Variants in PARD3 observed in about 807,000 individuals in gnomAD.
PARD3 encodes the protein partitioning defective 3 homolog.
PARD3 carries 75 observed loss-of-function variants against 155.4 expected under a neutral mutation model. The observed-to-expected ratio is 0.48, with a 90% CI of 0.40 to 0.58. The LOEUF is 0.58. Among genes scored for constraint, PARD3 ranks in the 20% least tolerant of loss-of-function variants. The pLI, the probability that PARD3 is intolerant of heterozygous loss-of-function variation, is 0.00. For synonymous variants in PARD3, 576 were observed against 610.5 expected, an observed-to-expected ratio of 0.94 and a Z score of 0.83; for missense variants, 1,642 against 1,721.7, an observed-to-expected ratio of 0.95 and a Z score of 0.82.
At chr10:34,305,716 C>T (rs1312938759) in intron 20 of PARD3, among the ~76,000 whole-genome samples, 4 of 152,178 alleles carry the variant, frequency 2.6e-5, no homozygotes, top group African/African-American at 4.8e-5. Flanking sequence ...CAGTGGTGCA[C>T]GCCTGCAATC....
At chr10:34,544,813 C>T (rs968444484) in intron 2 of PARD3, among the ~76,000 whole-genome samples, 2 of 152,134 alleles carry the variant, frequency 1.3e-5, no homozygotes, top group African/African-American at 2.4e-5. Flanking sequence ...TTAATTCTTA[C>T]AGTAATGTTA....
At chr10:34,205,443 AGT>A (rs959649869) in intron 22 of PARD3, among the ~76,000 whole-genome samples, 2 of 152,218 alleles carry the variant, frequency 1.3e-5, no homozygotes, top group African/African-American at 2.4e-5. Flanking sequence ...ATCTATCTGC[AGT>A]GTTTTTAAAA....
intron 15 of PARD3, chr10:34,343,814 C>T: frequency 1.0e-6 from 1 of 974,770 alleles, no homozygotes; most frequent in Non-Finnish European, 1.2e-6. Context: ...AACTAGTGAC[C>T]TACAAACTAA....
At position 34,174,370 on chromosome 10, in the gene PARD3, C is replaced by T. The variant is rs148173315; in HGVS notation, c.3420-42787G>A. ...TAGATGGGAAGATAAGATGTACACACATAAGCAGGTAAGTAGTTTACAGAG... is the reference window on the plus strand; with the variant it reads ...TAGATGGGAAGATAAGATGTACACATATAAGCAGGTAAGTAGTTTACAGAG... On this transcript the variant is annotated intron_variant, in intron 22 of 24. Coordinates refer to ENST00000374788, the MANE Select transcript of PARD3 (RefSeq NM_001184785.2). Among the ~76,000 whole-genome samples the T allele has an allele frequency of 2.6e-4, 40 of 152,292 alleles. 1 individual carries two copies. In the East Asian group the frequency reaches 7.7e-3, roughly 29 times the overall value.
At position 34,694,026 on chromosome 10, in the gene PARD3, T is replaced by C. The variant is rs140497786; in HGVS notation, c.222+2292A>G. Among the ~76,000 whole-genome samples the C allele has an allele frequency of 1.5e-3, 223 of 152,188 alleles. 1 individual carries two copies. Among genetic ancestry groups the C allele is most frequent in the African/African-American group, 5.3e-3 (219 of 41,542 alleles). ...AACAACAGTGATAAGCTCTCAGCAA[T>C]AGCAGGATGTCAGGTGATTAATTCC... On this transcript the variant is annotated intron_variant, in intron 2 of 24. Coordinates refer to ENST00000374788, the MANE Select transcript of PARD3 (RefSeq NM_001184785.2).
chr10:34,346,809 A>G (rs1837481072), intron 15 of PARD3, among the ~76,000 whole-genome samples: 1 of 152,266 alleles, frequency 6.6e-6, no homozygotes, highest in African/African-American at 2.4e-5. Flanking sequence ...CACATGTAAC[A>G]AGATAAGAAA....
chr10:34,342,810 C>T (rs1204221924), intron 15 of PARD3, among the ~76,000 whole-genome samples: 1 of 152,190 alleles, frequency 6.6e-6, no homozygotes, highest in African/African-American at 2.4e-5. Context: ...CAACTGCATT[C>T]CTCATTTAAC....
intron 22 of PARD3, among the ~76,000 whole-genome samples, chr10:34,246,397 A>C (rs888530203): frequency 6.6e-6 from 1 of 152,196 alleles, no homozygotes; most frequent in African/African-American, 2.4e-5. Context: ...GAGAAAAGGA[A>C]AAAAAGAAGG....
intron 19 of PARD3, among the ~76,000 whole-genome samples, chr10:34,326,125 T>TAAAAAA (rs979390862): frequency 1.8e-5 from 2 of 108,884 alleles, no homozygotes; most frequent in Non-Finnish European, 3.9e-5. Flanking sequence ...ACACTCTTTC[T>TAAAAAA]AAAAAAAAAA....
intron 21 of PARD3, among the ~76,000 whole-genome samples, chr10:34,279,512 C>T (rs12357306): frequency 0.038 from 5,773 of 152,138 alleles, 303 homozygotes; most frequent in African/African-American, 0.12. Context: ...AAAAATGTTT[C>T]TCTTAAAAGG....
intron 1 of PARD3, among the ~76,000 whole-genome samples, chr10:34,801,277 G>A (rs1564633011): frequency 1.3e-5 from 2 of 152,162 alleles, no homozygotes; most frequent in African/African-American, 4.8e-5. Context: ...TACAGGAAGG[G>A]ATCAGAGTCA....
chr10:34,799,862 G>A (rs192244819), intron 1 of PARD3, among the ~76,000 whole-genome samples: 7 of 151,776 alleles, frequency 4.6e-5, no homozygotes, highest in African/African-American at 1.2e-4. Context: ...GTGTGGTGGC[G>A]CATGCCTGTA....
intron 20 of PARD3, among the ~76,000 whole-genome samples, chr10:34,294,188 A>G (rs778954725): frequency 6.6e-6 from 1 of 152,252 alleles, no homozygotes. Context: ...ATGAGGTAGT[A>G]CAAACACACG....
chr10:34,538,002 G>T (rs991404222), intron 2 of PARD3, among the ~76,000 whole-genome samples: 1 of 152,074 alleles, frequency 6.6e-6, no homozygotes, highest in African/African-American at 2.4e-5. Context: ...AAATGACAAG[G>T]GAAAAAAATC....
At chr10:34,269,571 G>T (rs1188263405) in intron 22 of PARD3, 86 bp downstream of exon 22, 18 of 1,448,942 alleles carry the variant, frequency 1.2e-5, no homozygotes, top group African/African-American at 4.3e-5. Flanking sequence ...ATTCTGGTTT[G>T]AGGATTGATG....
At chr10:34,731,421 C>T (rs78344428) in intron 1 of PARD3, among the ~76,000 whole-genome samples, 2,599 of 152,286 alleles carry the variant, frequency 0.017, 38 homozygotes, top group Middle Eastern at 0.048. Context: ...GCTGCTCTAG[C>T]GCTGACTAGA....
intron 20 of PARD3, among the ~76,000 whole-genome samples, chr10:34,300,406 A>G (rs530728388): frequency 2.8e-4 from 43 of 152,154 alleles, no homozygotes; most frequent in Non-Finnish European, 5.1e-4. Flanking sequence ...TGTAATCCCA[A>G]CACTCTGGGA....
At chr10:34,615,645 T>C (rs535161861) in intron 2 of PARD3, among the ~76,000 whole-genome samples, 1 of 152,084 alleles carries the variant, frequency 6.6e-6, no homozygotes, top group South Asian at 2.1e-4. Flanking sequence ...ACAGAAGCAA[T>C]GAAAAAAGTG....
rs138056044 is a variant in PARD3 at position 34,155,913 on chromosome 10, A to T, written c.3420-24330T>A. On this transcript the variant is annotated intron_variant, in intron 22 of 24. Coordinates refer to ENST00000374788, the MANE Select transcript of PARD3 (RefSeq NM_001184785.2). Reference sequence around the variant, plus strand: ...CAATGCACAACCTGTGGCTTGGTTGACTTACAAAAGCAGTACAACAAACAC... The same window carrying T: ...CAATGCACAACCTGTGGCTTGGTTGTCTTACAAAAGCAGTACAACAAACAC... Among the ~76,000 whole-genome samples the T allele has an allele frequency of 6.7e-3, 1,022 of 152,186 alleles. 3 individuals are homozygous for T. The highest frequency in any genetic ancestry group is 0.011 in the Non-Finnish European group (771 of 67,974).
Sources: gnomAD v4.1 joint callset for allele counts (sites outside exome capture counted in the v4.1 genomes callset) on GRCh38, gnomAD v4.1.1 for gene constraint, MANE v1.5 for transcripts, NCBI Gene and HGNC (gene_info 2026-07-23, HGNC 2026-07-21) for gene names.